Variants in CDH22 observed in about 807,000 individuals in gnomAD.
The protein encoded by CDH22 is cadherin-22.
CDH22 carries 30 observed loss-of-function variants against 58.4 expected under a neutral mutation model. That is an observed-to-expected ratio of 0.51 (90% CI 0.38 to 0.70). The LOEUF is 0.70. CDH22 is among the 30% of genes least tolerant of loss of function. The pLI, the probability that CDH22 is intolerant of heterozygous loss-of-function variation, is 0.00. For synonymous variants in CDH22, 513 were observed against 558.2 expected (o/e 0.92, Z 1.14); for missense variants, 1,014 against 1,233.9 (o/e 0.82, Z 2.67).
chr20:46,183,160 C>T (rs893168909), intron 10 of CDH22, among the ~76,000 whole-genome samples: 1 of 152,144 alleles, frequency 6.6e-6, no homozygotes, highest in Admixed American at 6.5e-5. Flanking sequence ...AATGAATAGG[C>T]AGGGCTGTAC....
At chr20:46,301,537 G>A (rs1444693160) in intron 1 of CDH22, among the ~76,000 whole-genome samples, 1 of 151,700 alleles carries the variant, frequency 6.6e-6, no homozygotes, top group African/African-American at 2.4e-5. Flanking sequence ...ATGGCTGGGT[G>A]CGGTGGCTCA....
At chr20:46,284,796 G>T (rs889687289) in intron 1 of CDH22, among the ~76,000 whole-genome samples, 4 of 152,190 alleles carry the variant, frequency 2.6e-5, no homozygotes, top group Admixed American at 6.5e-5. Flanking sequence ...AGGAGTCCCA[G>T]TGGGAAGGAG....
chr20:46,297,835 C>T (rs73301986), intron 1 of CDH22, among the ~76,000 whole-genome samples: 2,212 of 152,076 alleles, frequency 0.015, 58 homozygotes, highest in African/African-American at 0.05. Flanking sequence ...TCCTCCCTGA[C>T]CCACTACCCA....
At chr20:46,183,205 G>C (rs1223408120) in intron 10 of CDH22, among the ~76,000 whole-genome samples, 1 of 152,068 alleles carries the variant, frequency 6.6e-6, no homozygotes, top group Non-Finnish European at 1.5e-5. Flanking sequence ...TCCAAAAAAG[G>C]CTTAAATAGC....
Position 46,174,800 on chromosome 20 carries a change from G to A in CDH22, c.2193C>T (p.His731=). 1 of 1,490,910 alleles carries A rather than the reference G, an allele frequency of 6.7e-7. No homozygotes were observed. The highest frequency in any genetic ancestry group is 1.4e-5 in the African/African-American group (1 of 69,000). 92.4% of individuals were successfully genotyped at this position (1,490,910 alleles called of 1,614,324 possible). Residue 731 remains histidine (H), a synonymous_variant, in exon 12 of 12, where the codon CAC becomes CAT. Coordinates refer to ENST00000537909, the MANE Select transcript of CDH22 (RefSeq NM_021248.3). The surrounding 1 kb of genome is among the most constrained non-coding windows in gnomAD (Gnocchi z 4.4). ...GGCTCGGCGGCCCCTGCGGCAGCGA[G>A]TGGCGCTCGGAGGGCAGGTGGGCCT... ...PPQAHLPSER[H]SLPQGPPSPE...
chr20:46,304,645 G>T (rs188453551), intron 1 of CDH22, among the ~76,000 whole-genome samples: 3 of 152,192 alleles, frequency 2.0e-5, no homozygotes, highest in Non-Finnish European at 4.4e-5. Flanking sequence ...TGCTGATGGG[G>T]CATGGAGGGA....
At chr20:46,262,794 G>A (rs972848815) in intron 1 of CDH22, among the ~76,000 whole-genome samples, 1 of 152,206 alleles carries the variant, frequency 6.6e-6, no homozygotes, top group African/African-American at 2.4e-5. Flanking sequence ...CGCCCTGCCT[G>A]ATTGGGACCT....
At chr20:46,298,982 C>T (rs1361888011) in intron 1 of CDH22, among the ~76,000 whole-genome samples, 1 of 152,162 alleles carries the variant, frequency 6.6e-6, no homozygotes, top group African/African-American at 2.4e-5. Context: ...TCAGCTGTCC[C>T]CGTCTGTTGC....
chr20:46,181,133 A>G (rs2085781274), intron 10 of CDH22, among the ~76,000 whole-genome samples: 1 of 152,116 alleles, frequency 6.6e-6, no homozygotes, highest in Non-Finnish European at 1.5e-5. Context: ...AGTCGCCATG[A>G]GAAAACAATA....
At chr20:46,301,185 A>G (rs1433265325) in intron 1 of CDH22, among the ~76,000 whole-genome samples, 1 of 152,182 alleles carries the variant, frequency 6.6e-6, no homozygotes, top group Non-Finnish European at 1.5e-5. Context: ...AGGTACATAC[A>G]TATATACATA....
Position 46,270,056 on chromosome 20 carries a change from C to T in CDH22, c.-399-18363G>A, listed in dbSNP as rs538705957. Among the ~76,000 whole-genome samples the T allele has an allele frequency of 5.5e-4, 83 of 152,180 alleles. No homozygotes were observed. In the South Asian group the frequency reaches 7.1e-3, roughly 13 times the overall value. On this transcript the variant is annotated intron_variant, in intron 1 of 11. Coordinates refer to ENST00000537909, the MANE Select transcript of CDH22 (RefSeq NM_021248.3). ...GATCCTTGAAGGATAAGTAGGGGTT[C>T]GCCATATAGAGCAAAGGGGAAAGGA...
chr20:46,193,312 TG>T (rs1302204396), intron 8 of CDH22, among the ~76,000 whole-genome samples: 5 of 152,104 alleles, frequency 3.3e-5, no homozygotes, highest in African/African-American at 7.2e-5. Flanking sequence ...GGGAGCTCAC[TG>T]TCTCTTGAAG....
chr20:46,202,614 A>G (rs2085969893), intron 7 of CDH22, among the ~76,000 whole-genome samples: 2 of 152,190 alleles, frequency 1.3e-5, no homozygotes, highest in South Asian at 2.1e-4. Flanking sequence ...CGGCCTCCCA[A>G]AGTGCTGGGA....
At chr20:46,287,105 A>G (rs564008164) in intron 1 of CDH22, among the ~76,000 whole-genome samples, 34 of 152,250 alleles carry the variant, frequency 2.2e-4, no homozygotes, top group African/African-American at 8.2e-4. Context: ...AGCAGAAAAG[A>G]CAGACGTTAG....
chr20:46,199,375 T>C, intron 8 of CDH22, 48 bp downstream of exon 8: 1 of 1,584,724 alleles, frequency 6.3e-7, no homozygotes, highest in Non-Finnish European at 8.5e-7. Context: ...CAGCTTTTGC[T>C]CCTGGGCCCC....
chr20:46,183,241 C>G (rs1458606327), intron 10 of CDH22, among the ~76,000 whole-genome samples: 1 of 152,146 alleles, frequency 6.6e-6, no homozygotes, highest in African/African-American at 2.4e-5. Flanking sequence ...CCCCAAATCT[C>G]TCCCTGCTGC....
intron 10 of CDH22, among the ~76,000 whole-genome samples, chr20:46,179,341 C>A (rs916965411): frequency 6.6e-6 from 1 of 152,208 alleles, no homozygotes; most frequent in African/African-American, 2.4e-5. Context: ...GATCTGTTGG[C>A]AGCCTGGGTT....
intron 7 of CDH22, among the ~76,000 whole-genome samples, chr20:46,201,168 G>A (rs1159070043): frequency 2.6e-5 from 4 of 152,238 alleles, no homozygotes; most frequent in African/African-American, 9.6e-5. Flanking sequence ...GAGGCTGCGC[G>A]CGGACAAAGG....
At chr20:46,280,399 G>A (rs1330288052) in intron 1 of CDH22, among the ~76,000 whole-genome samples, 2 of 152,180 alleles carry the variant, frequency 1.3e-5, no homozygotes, top group Admixed American at 1.3e-4. Flanking sequence ...CAGCCTGGGC[G>A]ACAGAGTGAG....
Sources: allele counts gnomAD v4.1 joint callset (sites outside exome capture counted in the v4.1 genomes callset), GRCh38; gene constraint gnomAD v4.1.1; non-coding constraint Gnocchi (gnomAD v3.1); transcripts MANE v1.5; gene names NCBI Gene and HGNC (gene_info 2026-07-23, HGNC 2026-07-21).